Variants in GALNT13 observed in about 807,000 individuals in gnomAD.
The protein encoded by GALNT13 is polypeptide N-acetylgalactosaminyltransferase 13, also known as UDP-GalNAc:polypeptide N-acetylgalactosaminyltransferase 13.
GALNT13 carries 28 observed loss-of-function variants against 64.2 expected under a neutral mutation model. The ratio of observed to expected loss-of-function variants is 0.44; its 90% CI spans 0.32 to 0.60. The LOEUF (loss-of-function observed/expected upper bound fraction) is 0.60. Among genes scored for constraint, GALNT13 ranks in the 20% least tolerant of loss-of-function variants. The pLI is 0.05. For missense variants in GALNT13, 577 were observed against 669.8 expected (o/e 0.86, Z 1.53); for synonymous variants, 214 against 224.6 (o/e 0.95, Z 0.42).
At chr2:154,316,481 C>A (rs1338102775) in intron 9 of GALNT13, among the ~76,000 whole-genome samples, 1 of 152,042 alleles carries the variant, frequency 6.6e-6, no homozygotes, top group Non-Finnish European at 1.5e-5. Flanking sequence ...TCAAAGTGAA[C>A]ACAAAATCAA....
intron 8 of GALNT13, among the ~76,000 whole-genome samples, chr2:154,274,447 C>T (rs1691527277): frequency 6.6e-6 from 1 of 152,110 alleles, no homozygotes; most frequent in Non-Finnish European, 1.5e-5. Context: ...GCTGTGTCCC[C>T]ACCCAAATCT....
chr2:153,996,015 T>G (rs971978567), intron 3 of GALNT13, among the ~76,000 whole-genome samples: 1 of 152,314 alleles, frequency 6.6e-6, no homozygotes, highest in Middle Eastern at 3.4e-3. Flanking sequence ...TTCCTTCTGG[T>G]TTTAATAGCC....
the GALNT13 span, among the ~76,000 whole-genome samples, chr2:153,828,363 T>C: frequency 6.6e-6 from 1 of 151,990 alleles, no homozygotes; most frequent in Non-Finnish European, 1.5e-5. Flanking sequence ...CATCCAGGAG[T>C]TTCTATACAT....
At chr2:153,985,613 G>A (rs184121543) in intron 3 of GALNT13, among the ~76,000 whole-genome samples, 40 of 152,020 alleles carry the variant, frequency 2.6e-4, no homozygotes, top group Middle Eastern at 3.4e-3. Flanking sequence ...AATAATTATA[G>A]GAAAACAAAC....
intron 3 of GALNT13, among the ~76,000 whole-genome samples, chr2:153,945,487 A>G (rs1004835850): frequency 2.6e-5 from 4 of 152,176 alleles, no homozygotes; most frequent in Non-Finnish European, 5.9e-5. Context: ...TTCTGCATAA[A>G]TATGACAAAA....
the GALNT13 span, among the ~76,000 whole-genome samples, chr2:153,313,682 T>C: frequency 6.6e-6 from 1 of 152,194 alleles, no homozygotes; most frequent in East Asian, 1.9e-4. Context: ...CCTGCACACG[T>C]ACCTCTGAAC....
the GALNT13 span, among the ~76,000 whole-genome samples, chr2:153,844,067 A>G: frequency 5.1e-4 from 78 of 152,224 alleles, no homozygotes; most frequent in African/African-American, 1.7e-3. Context: ...TCTGGATGGT[A>G]GCAGTCCCCT....
chr2:154,382,444 G>A (rs541154437), intron 9 of GALNT13, among the ~76,000 whole-genome samples: 1 of 152,174 alleles, frequency 6.6e-6, no homozygotes, highest in Non-Finnish European at 1.5e-5. Flanking sequence ...TGTATCTTAT[G>A]TATGCAATAA....
chr2:154,380,245 A>G (rs149594197), intron 9 of GALNT13, among the ~76,000 whole-genome samples: 24 of 152,184 alleles, frequency 1.6e-4, no homozygotes, highest in African/African-American at 5.3e-4. Flanking sequence ...GAGTAAAGCA[A>G]CTTATAAAGG....
At chr2:154,440,729 T>C (rs1404853229) in intron 12 of GALNT13, among the ~76,000 whole-genome samples, 2 of 152,138 alleles carry the variant, frequency 1.3e-5, no homozygotes, top group Admixed American at 6.6e-5. Context: ...TAGTGATGTT[T>C]ACATTGTCTA....
chr2:153,085,043 G>A, the GALNT13 span, among the ~76,000 whole-genome samples: 10 of 152,174 alleles, frequency 6.6e-5, no homozygotes, highest in Non-Finnish European at 1.2e-4. Context: ...GGTCTCAGAC[G>A]GAGATGAGGA....
In GALNT13 at chr2:154,404,249, C is replaced by G. The variant is rs114730670; in HGVS notation, c.1297-4735C>G. On this transcript the variant is annotated intron_variant, in intron 10 of 12. Transcript: ENST00000392825. ...TAGAATGTGCCAGAAATAGGATAGG[C>G]TTCTTTTCATGCAGTCCCCAAGATA... Among the ~76,000 whole-genome samples the G allele has an allele frequency of 4.7e-3, 722 of 152,300 alleles. 8 individuals carry two copies. Among genetic ancestry groups the G allele is most frequent in the South Asian group, 0.043 (206 of 4,822 alleles).
At chr2:154,165,184 A>G (rs1333713511) in intron 4 of GALNT13, among the ~76,000 whole-genome samples, 3 of 152,132 alleles carry the variant, frequency 2.0e-5, no homozygotes, top group Non-Finnish European at 2.9e-5. Context: ...ATATTTCTCT[A>G]AAGAATAGAA....
At chr2:154,420,001 A>G (rs1459209608) in intron 11 of GALNT13, among the ~76,000 whole-genome samples, 1 of 152,154 alleles carries the variant, frequency 6.6e-6, no homozygotes, top group African/African-American at 2.4e-5. Flanking sequence ...TTTAATGTAC[A>G]TAAATGTGTA....
At chr2:154,446,653 C>T in intron 12 of GALNT13, 2 of 1,548,662 alleles carry the variant, frequency 1.3e-6, no homozygotes, top group Non-Finnish European at 1.7e-6. Context: ...ACTGTGGAAA[C>T]CTGTAATGAT....
chr2:153,365,245 G>A, the GALNT13 span, among the ~76,000 whole-genome samples: 1 of 151,928 alleles, frequency 6.6e-6, no homozygotes, highest in Non-Finnish European at 1.5e-5. Flanking sequence ...ATTAACTTAA[G>A]GTATATTAAA....
the GALNT13 span, among the ~76,000 whole-genome samples, chr2:153,817,146 C>T: frequency 6.6e-6 from 1 of 152,162 alleles, no homozygotes; most frequent in Non-Finnish European, 1.5e-5. Flanking sequence ...TCATGACATC[C>T]CTTGCACCAA....
chr2:153,145,661 G>C, the GALNT13 span, among the ~76,000 whole-genome samples: 1 of 151,862 alleles, frequency 6.6e-6, no homozygotes. Context: ...CAGATGCTTG[G>C]TGGCAGATGG....
At chr2:154,004,206 AT>A (rs11448535) in intron 3 of GALNT13, among the ~76,000 whole-genome samples, 14 of 143,820 alleles carry the variant, frequency 9.7e-5, no homozygotes, top group Non-Finnish European at 1.5e-4. Context: ...ATTTCCTTTA[AT>A]TTTTTTTTGT....
Sources: gnomAD v4.1 joint callset for allele counts (sites outside exome capture counted in the v4.1 genomes callset) on GRCh38, gnomAD v4.1.1 for gene constraint, MANE v1.5 for transcripts, NCBI Gene and HGNC (gene_info 2026-07-23, HGNC 2026-07-21) for gene names.